The following PLPP3 variants were observed in gnomAD, a reference collection of about 807,000 sequenced individuals.
The protein encoded by PLPP3 is phospholipid phosphatase 3, also known as PAP2 beta.
In PLPP3, 6 loss-of-function variants were observed where a neutral mutation model predicts 29.6. The ratio of observed to expected loss-of-function variants is 0.20; its 90% CI spans 0.11 to 0.40. The LOEUF (loss-of-function observed/expected upper bound fraction) is 0.40. Ranked by LOEUF, PLPP3 falls within the 10% of genes least tolerant of loss-of-function variation. The probability of loss-of-function intolerance (pLI) is 1.00; values close to 1 mark genes in which losing one functional copy is unlikely to be tolerated. For synonymous variants in PLPP3, 152 were observed against 159.7 expected (o/e 0.95, Z 0.36); for missense variants, 308 against 407.7 (o/e 0.76, Z 2.11).
chr1:56,499,492 C>T (rs1002568081), intron 5 of PLPP3, among the ~76,000 whole-genome samples: 1 of 152,124 alleles, frequency 6.6e-6, no homozygotes, highest in Non-Finnish European at 1.5e-5. Context: ...AAATGTTTGT[C>T]GTTGAATTTC....
chr1:56,525,401 T>C (rs2100251212), intron 2 of PLPP3, among the ~76,000 whole-genome samples: 1 of 152,338 alleles, frequency 6.6e-6, no homozygotes, highest in East Asian at 1.9e-4. Flanking sequence ...ATTTTCATAC[T>C]GTATCTATGA....
chr1:56,551,372 C>T (rs1646038155), intron 1 of PLPP3, among the ~76,000 whole-genome samples: 1 of 144,960 alleles, frequency 6.9e-6, no homozygotes, highest in Admixed American at 7.1e-5. Flanking sequence ...CCCCTTCCAC[C>T]TCTGCCAAGT....
At chr1:56,557,010 GAGAGA>G (rs1646083550) in intron 1 of PLPP3, among the ~76,000 whole-genome samples, 3 of 10,756 alleles carry the variant, frequency 2.8e-4, no homozygotes, top group African/African-American at 4.7e-4. Flanking sequence ...AAGAAAGAAA[GAGAGA>G]GAGAGAGAGA....
At chr1:56,547,433 G>A (rs993005763) in intron 1 of PLPP3, among the ~76,000 whole-genome samples, 6 of 152,014 alleles carry the variant, frequency 3.9e-5, no homozygotes, top group Non-Finnish European at 8.8e-5. Flanking sequence ...CCCAAATCCT[G>A]TTTTTTAATG....
chr1:56,524,643 T>C lies in PLPP3; in HGVS notation c.298-89A>G. On this transcript the variant is annotated intron_variant, in intron 2 of 5. Transcript: ENST00000371250. The surrounding 1 kb of genome is among the most constrained non-coding windows in gnomAD (Gnocchi z 4.3). Reference sequence around the variant, plus strand: ...ACGGATATTCAACAACACAGGAGAATATTCAGTATTTGCAAAGGAGTGTCC... The same window carrying C: ...ACGGATATTCAACAACACAGGAGAACATTCAGTATTTGCAAAGGAGTGTCC... 7.1e-7 allele frequency: 1 copy of C among 1,408,716 alleles called. No individual in the cohort carries two copies. The highest frequency in any genetic ancestry group is 9.7e-7 in the Non-Finnish European group (1 of 1,025,830). 87.3% of individuals were successfully genotyped at this position (1,408,716 alleles called of 1,614,324 possible). A position where few individuals can be genotyped will look rare whatever the true frequency, so the allele number is the denominator to read the frequency against.
At chr1:56,557,010 G>GAA (rs1235067963) in intron 1 of PLPP3, among the ~76,000 whole-genome samples, 466 of 10,474 alleles carry the variant, frequency 0.044, 22 homozygotes, top group Middle Eastern at 0.1. Context: ...AAGAAAGAAA[G>GAA]AGAGAGAGAG....
At chr1:56,537,903 A>C (rs1003944079) in intron 1 of PLPP3, among the ~76,000 whole-genome samples, 2 of 152,188 alleles carry the variant, frequency 1.3e-5, no homozygotes, top group Non-Finnish European at 2.9e-5. Flanking sequence ...CAGCTCAGAT[A>C]CTATTCTCTC....
Position 56,547,375 on chromosome 1 carries a change from G to A in PLPP3, c.140-10263C>T, listed in dbSNP as rs150993092. On this transcript the variant is annotated intron_variant, in intron 1 of 5. Transcript: ENST00000371250. ...TACCAAATACACTCTAGGACTTGTG[G>A]ATCGTTTTCTCCCCACTTTCTAAAT... 4.0e-3 allele frequency among the ~76,000 whole-genome samples: 606 copies of A among 152,214 alleles called. 3 individuals are homozygous for A. The highest frequency in any genetic ancestry group is 0.014 in the African/African-American group (579 of 41,520).
At chr1:56,509,468 T>A (rs1384128752) in intron 5 of PLPP3, among the ~76,000 whole-genome samples, 2 of 152,220 alleles carry the variant, frequency 1.3e-5, no homozygotes, top group African/African-American at 4.8e-5. Context: ...TCTCTGACCC[T>A]GGATGACTTA....
At chr1:56,572,217 T>A (rs1646204776) in intron 1 of PLPP3, among the ~76,000 whole-genome samples, 1 of 151,734 alleles carries the variant, frequency 6.6e-6, no homozygotes, top group Non-Finnish European at 1.5e-5. Flanking sequence ...GCCCGGCTAA[T>A]TTTTGTATTT....
chr1:56,519,006 G>A (rs1252199190), intron 4 of PLPP3, among the ~76,000 whole-genome samples: 1 of 151,938 alleles, frequency 6.6e-6, no homozygotes, highest in African/African-American at 2.4e-5. Flanking sequence ...TCTAAAGAAG[G>A]TGGGTGGGGG....
In PLPP3 at chr1:56,556,982, GAAAGAAAGAAAGAAAGAAAGAA is replaced by G. The variant is rs1646081580; in HGVS notation, c.140-19892_140-19871del. 3.5e-4 allele frequency among the ~76,000 whole-genome samples: 2 copies of G among 5,706 alleles called. 1 individual carries two copies. Among genetic ancestry groups the G allele is most frequent in the African/African-American group, 9.2e-4 (2 of 2,166 alleles). 3.7% of individuals were successfully genotyped at this position (5,706 alleles called of 152,430 possible). ...AGAAAGAAAGAAAGAAAGAAAGAAA[GAAAGAAAGAAAGAAAGAAAGAA>G]AGAAAGAGAGAGAGAGAGAGAAAGA... On this transcript the variant is annotated intron_variant, in intron 1 of 5. Coordinates refer to ENST00000371250, the MANE Select transcript of PLPP3 (RefSeq NM_003713.5).
At chr1:56,526,558 C>G (rs1438009549) in intron 2 of PLPP3, among the ~76,000 whole-genome samples, 1 of 152,120 alleles carries the variant, frequency 6.6e-6, no homozygotes, top group Non-Finnish European at 1.5e-5. Flanking sequence ...TTCTCTTAAT[C>G]TTTTTTATTC....
At chr1:56,508,131 C>T (rs1645715604) in intron 5 of PLPP3, among the ~76,000 whole-genome samples, 1 of 152,192 alleles carries the variant, frequency 6.6e-6, no homozygotes, top group African/African-American at 2.4e-5. Context: ...CCAGAGGCAG[C>T]TAATACAGAA....
chr1:56,557,005 A>T (rs867319590), intron 1 of PLPP3, among the ~76,000 whole-genome samples: 7 of 6,308 alleles, frequency 1.1e-3, no homozygotes, highest in Admixed American at 2.5e-3. Flanking sequence ...AAAGAAAGAA[A>T]GAAAGAGAGA....
At chr1:56,572,395 G>GAATGACAA in intron 1 of PLPP3, among the ~76,000 whole-genome samples, 1 of 152,200 alleles carries the variant, frequency 6.6e-6, no homozygotes, top group South Asian at 2.1e-4. Context: ...TTGAATGACA[G>GAATGACAA]GAATGACCCA....
At position 56,557,018 on chromosome 1, in the gene PLPP3, G is replaced by GAAGGAAAGAAAGAAAGAAA. The variant is rs1273560377; in HGVS notation, c.140-19907_140-19906insTTTCTTTCTTTCTTTCCTT. Among the ~76,000 whole-genome samples the GAAGGAAAGAAAGAAAGAAA allele has an allele frequency of 2.2e-3, 31 of 13,798 alleles. 3 individuals are homozygous for GAAGGAAAGAAAGAAAGAAA. Among genetic ancestry groups the GAAGGAAAGAAAGAAAGAAA allele is most frequent in the Admixed American group, 8.3e-3 (7 of 848 alleles). The allele number at this position is 13,798 out of a possible 152,430, so 9.1% of individuals were successfully genotyped here. A position where few individuals can be genotyped will look rare whatever the true frequency, so the allele number is the denominator to read the frequency against. On this transcript the variant is annotated intron_variant, in intron 1 of 5. Coordinates refer to ENST00000371250, the MANE Select transcript of PLPP3 (RefSeq NM_003713.5). ...AGAAAGAAAGAAAGAAAGAGAGAGA[G>GAAGGAAAGAAAGAAAGAAA]AGAGAGAAAGAGAGAGAGAGAGAGA... is the stretch of plus-strand genomic sequence containing the variant.
chr1:56,557,078 A>AG (rs1646089024), intron 1 of PLPP3, among the ~76,000 whole-genome samples: 4 of 123,082 alleles, frequency 3.2e-5, no homozygotes, highest in Admixed American at 1.7e-4. Flanking sequence ...AAGAAAGAAA[A>AG]AATGAGAGAG....
chr1:56,572,616 T>C (rs1162326383), intron 1 of PLPP3, among the ~76,000 whole-genome samples: 2 of 152,144 alleles, frequency 1.3e-5, no homozygotes, highest in African/African-American at 2.4e-5. Flanking sequence ...TGGAAAACAT[T>C]TGTGTCCACT....
Sources: gnomAD v4.1 joint callset for allele counts (sites outside exome capture counted in the v4.1 genomes callset) on GRCh38, gnomAD v4.1.1 for gene constraint, Gnocchi (gnomAD v3.1) non-coding constraint, MANE v1.5 for transcripts, NCBI Gene and HGNC (gene_info 2026-07-23, HGNC 2026-07-21) for gene names.